The following CMTR1 variants were observed in gnomAD, a reference collection of about 807,000 sequenced individuals.
CMTR1 encodes the protein cap-specific mRNA (nucleoside-2'-O-)-methyltransferase 1.
Under a neutral mutation model 107.0 loss-of-function variants are expected in CMTR1, and 39 were observed. The observed-to-expected ratio is 0.36, with a 90% CI of 0.28 to 0.48. The LOEUF (loss-of-function observed/expected upper bound fraction) is 0.48. Ranked by LOEUF, CMTR1 falls within the 20% of genes least tolerant of loss-of-function variation. The pLI, the probability that CMTR1 is intolerant of heterozygous loss-of-function variation, is 0.99. For missense variants in CMTR1, 672 were observed against 1,064.9 expected, an observed-to-expected ratio of 0.63 and a Z score of 5.14; for synonymous variants, 366 against 379.5, an observed-to-expected ratio of 0.96 and a Z score of 0.41.
chr6:37,478,496 C>T lies in CMTR1; in HGVS notation c.2241C>T (p.Gly747=). 6.2e-7 allele frequency: 1 copy of T among 1,613,956 alleles called. No individual in the cohort carries two copies. The highest frequency in any genetic ancestry group is 8.5e-7 in the Non-Finnish European group (1 of 1,179,866). ...GRDDRHFVPM[G]LYIVRTVNEP... is the part of the protein sequence containing the mutation. ...ATGACCGGCACTTTGTACCCATGGG[C>T]CTCTACATCGTCAGGACAGTGAATG... The change falls in exon 22 of 24, where the codon GGC becomes GGT. Residue 747 remains glycine, a synonymous_variant. Coordinates refer to ENST00000373451, the MANE Select transcript of CMTR1 (RefSeq NM_015050.3).
chr6:37,459,457 T>C, intron 9 of CMTR1, 109 bp from the exon 10 acceptor site: 1 of 853,918 alleles, frequency 1.2e-6, no homozygotes, highest in Non-Finnish European at 2.0e-6. Context: ...GGATGGGCCC[T>C]AGTTCTTGAG....
chr6:37,479,733 C>T (rs1391703922), intron 23 of CMTR1, among the ~76,000 whole-genome samples: 1 of 152,226 alleles, frequency 6.6e-6, no homozygotes, highest in East Asian at 1.9e-4. Flanking sequence ...TGTCACCACA[C>T]TACTAATACT....
intron 13 of CMTR1, among the ~76,000 whole-genome samples, chr6:37,465,127 G>A (rs978974127): frequency 8.6e-5 from 13 of 152,028 alleles, no homozygotes; most frequent in African/African-American, 3.1e-4. Flanking sequence ...AATTAGCTGG[G>A]CATGGTGGCG....
chr6:37,472,704 G>A lies in CMTR1; in HGVS notation c.1689+217G>A, dbSNP rs990352857. The stretch of plus-strand genomic sequence containing the variant: ...AGTCAGGCCAACGGAAGATTCTCAT[G>A]TTCAGTGCTTGGGCTCAGCATTCCT... On this transcript the variant is annotated intron_variant, in intron 16 of 23. Transcript: ENST00000373451. The surrounding 1 kb of genome is among the most constrained non-coding windows in gnomAD (Gnocchi z 4.1). 3.3e-5 allele frequency among the ~76,000 whole-genome samples: 5 copies of A among 152,212 alleles called. No individual in the cohort carries two copies. Among genetic ancestry groups the A allele is most frequent in the African/African-American group, 1.2e-4 (5 of 41,460 alleles).
rs1203579133 is a variant in CMTR1, at chr6:37,476,003, T to G, written c.2037-123T>G. 8 of 919,884 alleles carry G rather than the reference T, an allele frequency of 8.7e-6. No homozygotes were observed. In the East Asian group the frequency reaches 1.9e-4, roughly 22 times the overall value. The allele number at this position is 919,884 out of a possible 1,614,324, so 57.0% of individuals were successfully genotyped here. ...TCCTGGGGGACATGGGTGCTGCCTCTTAGAGCAGTCTTGCCGCAGATTCAG... is the reference window on the plus strand; with the variant it reads ...TCCTGGGGGACATGGGTGCTGCCTCGTAGAGCAGTCTTGCCGCAGATTCAG... On this transcript the variant is annotated intron_variant, in intron 19 of 23. Transcript: ENST00000373451.
At chr6:37,478,373 TTCTC>T (rs896832654) in intron 21 of CMTR1, 32 bp from the exon 22 acceptor site, 20 of 1,525,616 alleles carry the variant, frequency 1.3e-5, no homozygotes, top group Non-Finnish European at 1.8e-5. Context: ...CCAGGGCCTT[TTCTC>T]TCTCATGCAC....
chr6:37,426,934 T>G, the CMTR1 span, among the ~76,000 whole-genome samples: 1 of 152,106 alleles, frequency 6.6e-6, no homozygotes, highest in African/African-American at 2.4e-5. Flanking sequence ...GCAACAAAAA[T>G]GGCTTTCCCT....
At chr6:37,424,424 AT>A in the CMTR1 span, among the ~76,000 whole-genome samples, 1 of 147,058 alleles carries the variant, frequency 6.8e-6, no homozygotes. Flanking sequence ...TTTTTTTTGT[AT>A]TTTTAGTAGA....
At chr6:37,428,057 A>AGAGAGAGAGAGAGAGAGAGAGAGAGG in the CMTR1 span, among the ~76,000 whole-genome samples, 3 of 143,234 alleles carry the variant, frequency 2.1e-5, no homozygotes, top group Admixed American at 7.0e-5. Context: ...AGAGAGAGAG[A>AGAGAGAGAGAGAGAGAGAGAGAGAGG]GAGAAACTCT....
intron 20 of CMTR1, among the ~76,000 whole-genome samples, chr6:37,477,037 G>A (rs62408367): frequency 0.38 from 57,378 of 152,018 alleles, 13,468 homozygotes; most frequent in Middle Eastern, 0.58. Context: ...TTCTGGGAAC[G>A]TTCCCCACTA....
chr6:37,480,277 G>C lies in CMTR1; in HGVS notation c.*132G>C, dbSNP rs1481530116. The C allele has an allele frequency of 2.3e-5, 34 of 1,471,340 alleles. 1 individual carries two copies. The Middle Eastern group carries it at 7.3e-4, about 31-fold the overall frequency. The allele number at this position is 1,471,340 out of a possible 1,614,324, so 91.1% of individuals were successfully genotyped here. ...AGCATTGCACCTGGCATGAGGAGTG[G>C]GTGGCCTCCTCTCCATCCCCTGAAG... On this transcript the variant is annotated 3_prime_UTR_variant, in exon 24 of 24. Transcript: ENST00000373451.
upstream of CMTR1, among the ~76,000 whole-genome samples, chr6:37,429,951 A>T (rs376587673): frequency 0.058 from 8,764 of 152,102 alleles, 292 homozygotes; most frequent in Middle Eastern, 0.12. Context: ...AAATAATAAA[A>T]AAAAAAAAAG....
At chr6:37,424,249 T>G in the CMTR1 span, among the ~76,000 whole-genome samples, 1 of 19,350 alleles carries the variant, frequency 5.2e-5, no homozygotes, top group Admixed American at 6.3e-4. Context: ...TTTTCTTTCT[T>G]TTTTTTTTTT....
At chr6:37,450,973 AAG>A (rs1270881776) in intron 5 of CMTR1, among the ~76,000 whole-genome samples, 1 of 152,210 alleles carries the variant, frequency 6.6e-6, no homozygotes, top group Non-Finnish European at 1.5e-5. Flanking sequence ...TGAAAAAGCA[AAG>A]AGGAAAATCT....
At chr6:37,468,515 C>T (rs958321433) in intron 13 of CMTR1, among the ~76,000 whole-genome samples, 1 of 152,208 alleles carries the variant, frequency 6.6e-6, no homozygotes, top group African/African-American at 2.4e-5. Flanking sequence ...TTTTGCTTCA[C>T]CCTAAAGAAT....
In CMTR1 at chr6:37,473,536, C is replaced by A. The variant is rs2113892779; in HGVS notation, c.1756C>A (p.Arg586Ser). Residue 586 changes from arginine to serine, a missense_variant, in exon 17 of 24, where the codon CGC (arginine) becomes AGC (serine). Around this residue, in one of 2 missense-constraint regions of CMTR1, gnomAD observed 583 missense variants for 968.4 expected, o/e 0.60. Coordinates refer to ENST00000373451, the MANE Select transcript of CMTR1 (RefSeq NM_015050.3). ...CACCTCTAAAACCCTGGAGAAGATC[C>A]GCCCTGTGTTTGACTACCGCTGCAT... is the stretch of plus-strand genomic sequence containing the variant. Reference protein sequence around the residue: ...LLTSKTLEKIRPVFDYRCMVS... With the variant: ...LLTSKTLEKISPVFDYRCMVS... The A allele has an allele frequency of 6.2e-7, 1 of 1,614,120 alleles. No homozygotes were observed. The highest frequency in any genetic ancestry group is 2.2e-5 in the East Asian group (1 of 44,876).
chr6:37,464,615 T>A (rs959964829), intron 13 of CMTR1, among the ~76,000 whole-genome samples: 4 of 152,210 alleles, frequency 2.6e-5, no homozygotes, highest in African/African-American at 4.8e-5. Flanking sequence ...GATTTTTTCC[T>A]CCTCATGTTT....
Position 37,480,824 on chromosome 6 carries a change from G to A in CMTR1, c.*679G>A. 8.8e-7 allele frequency: 1 copy of A among 1,134,692 alleles called. No individual in the cohort carries two copies. Among genetic ancestry groups the A allele is most frequent in the Non-Finnish European group, 1.1e-6 (1 of 915,554 alleles). 70.3% of individuals were successfully genotyped at this position (1,134,692 alleles called of 1,614,324 possible). A position where few individuals can be genotyped will look rare whatever the true frequency, so the allele number is the denominator to read the frequency against. ...ATCCCTGATACCACATTGAGATCCT[G>A]GGAGCCCTCTTTTCGTACTGAGTAT... is the stretch of plus-strand genomic sequence containing the variant. On this transcript the variant is annotated 3_prime_UTR_variant, in exon 24 of 24. Transcript: ENST00000373451.
chr6:37,469,519 TCC>T (rs1761579632), intron 13 of CMTR1, among the ~76,000 whole-genome samples: 2 of 132,414 alleles, frequency 1.5e-5, no homozygotes, highest in Admixed American at 1.7e-4. Context: ...TGTTGTTTTA[TCC>T]TTTTTTTTTT....
Sources: allele counts gnomAD v4.1 joint callset (sites outside exome capture counted in the v4.1 genomes callset), GRCh38; gene constraint gnomAD v4.1.1; regional missense constraint gnomAD v4.1.1; non-coding constraint Gnocchi (gnomAD v3.1); transcripts MANE v1.5; gene names NCBI Gene and HGNC (gene_info 2026-07-23, HGNC 2026-07-21).